Variants in SRBD1 observed in about 807,000 individuals in gnomAD.
The protein encoded by SRBD1 is S1 RNA-binding domain-containing protein 1.
In SRBD1, 88 loss-of-function variants were observed where a neutral mutation model predicts 115.3. The ratio of observed to expected loss-of-function variants is 0.76; its 90% CI spans 0.64 to 0.91. SRBD1 has a LOEUF of 0.91. SRBD1 is among the 40% of genes least tolerant of loss of function. The pLI is 0.00. For synonymous variants in SRBD1, 509 were observed against 407.7 expected, an observed-to-expected ratio of 1.25 and a Z score of -2.99; for missense variants, 1,385 against 1,177.4, an observed-to-expected ratio of 1.18 and a Z score of -2.58.
At chr2:45,459,308 A>G (rs574506981) in intron 16 of SRBD1, among the ~76,000 whole-genome samples, 5 of 152,306 alleles carry the variant, frequency 3.3e-5, no homozygotes, top group Admixed American at 2.6e-4. Context: ...TCCTGTCATT[A>G]CTATTTATAA....
intron 14 of SRBD1, among the ~76,000 whole-genome samples, chr2:45,499,383 C>T (rs1210690349): frequency 6.6e-6 from 1 of 152,108 alleles, no homozygotes; most frequent in Non-Finnish European, 1.5e-5. Context: ...GTTTCACTTC[C>T]TTATATGTTC....
At chr2:45,506,236 A>G (rs1670793490) in intron 14 of SRBD1, among the ~76,000 whole-genome samples, 1 of 152,136 alleles carries the variant, frequency 6.6e-6, no homozygotes. Flanking sequence ...ATCCATGGAA[A>G]AAGCAAATTT....
At chr2:45,571,227 G>T (rs68090579) in intron 9 of SRBD1, among the ~76,000 whole-genome samples, 49,038 of 151,606 alleles carry the variant, frequency 0.32, 8,637 homozygotes, top group Non-Finnish European at 0.41. Flanking sequence ...GCAAAGTCTG[G>T]GAGAGTTTGG....
intron 4 of SRBD1, among the ~76,000 whole-genome samples, chr2:45,591,144 C>G (rs769934818): frequency 6.6e-6 from 1 of 152,166 alleles, no homozygotes. Context: ...CCCCAAATTG[C>G]TCCTGGGGAT....
chr2:45,596,939 CACACACACACACCCACAACCCTA>C (rs1375051657), intron 4 of SRBD1, among the ~76,000 whole-genome samples: 1 of 148,330 alleles, frequency 6.7e-6, no homozygotes, highest in Non-Finnish European at 1.5e-5. Flanking sequence ...AACACACACA[CACACACACACACCCACAACCCTA>C]ACACACACAC....
At chr2:45,472,522 G>C (rs937652980) in intron 16 of SRBD1, among the ~76,000 whole-genome samples, 28 of 152,198 alleles carry the variant, frequency 1.8e-4, no homozygotes, top group African/African-American at 6.0e-4. Flanking sequence ...ATCCAGGCTG[G>C]AGTGCAGTGG....
intron 16 of SRBD1, among the ~76,000 whole-genome samples, chr2:45,468,548 C>G (rs903638707): frequency 1.3e-5 from 2 of 151,994 alleles, no homozygotes; most frequent in African/African-American, 2.4e-5. Context: ...CCACCATGCT[C>G]AGCTAATTGT....
chr2:45,506,771 C>T (rs1369990884), intron 14 of SRBD1, among the ~76,000 whole-genome samples: 1 of 152,188 alleles, frequency 6.6e-6, no homozygotes, highest in Non-Finnish European at 1.5e-5. Flanking sequence ...AGTACTCTCA[C>T]ACGTATGTTC....
intron 16 of SRBD1, among the ~76,000 whole-genome samples, chr2:45,452,226 C>G (rs1406206274): frequency 6.6e-6 from 1 of 151,900 alleles, no homozygotes; most frequent in Non-Finnish European, 1.5e-5. Flanking sequence ...TGGGCTTTCA[C>G]TGTTTTGATA....
At chr2:45,567,147 C>T (rs969507825) in intron 9 of SRBD1, among the ~76,000 whole-genome samples, 12 of 152,018 alleles carry the variant, frequency 7.9e-5, no homozygotes, top group East Asian at 3.9e-4. Context: ...AGATAAAACG[C>T]GTATTTTTTT....
intron 14 of SRBD1, among the ~76,000 whole-genome samples, chr2:45,504,144 A>T (rs1456902494): frequency 4.3e-4 from 66 of 152,168 alleles, no homozygotes; most frequent in Non-Finnish European, 4.4e-5. Flanking sequence ...TGGATTTTAC[A>T]TATCTACTAG....
At chr2:45,484,746 T>C (rs2103843154) in intron 15 of SRBD1, among the ~76,000 whole-genome samples, 1 of 152,338 alleles carries the variant, frequency 6.6e-6, no homozygotes, top group South Asian at 2.1e-4. Flanking sequence ...TCACTGTCCA[T>C]TCCTGTCTCT....
intron 16 of SRBD1, among the ~76,000 whole-genome samples, chr2:45,469,674 T>C (rs1429030693): frequency 6.6e-6 from 1 of 152,200 alleles, no homozygotes; most frequent in African/African-American, 2.4e-5. Flanking sequence ...AAAGAAATTT[T>C]AAAACTTGAA....
chr2:45,437,296 C>T (rs751030757), intron 16 of SRBD1, among the ~76,000 whole-genome samples: 5 of 148,100 alleles, frequency 3.4e-5, no homozygotes, highest in Non-Finnish European at 7.4e-5. Context: ...AGAACTGACA[C>T]TATCTAACTT....
chr2:45,545,055 C>T (rs540340928), intron 14 of SRBD1, among the ~76,000 whole-genome samples: 18 of 151,768 alleles, frequency 1.2e-4, no homozygotes, highest in Admixed American at 7.2e-4. Flanking sequence ...CTGAGGCAGG[C>T]GGATCACGAG....
chr2:45,527,812 C>T (rs928092031), intron 14 of SRBD1, among the ~76,000 whole-genome samples: 1 of 151,836 alleles, frequency 6.6e-6, no homozygotes, highest in Non-Finnish European at 1.5e-5. Context: ...AGCCTATGCT[C>T]TTAACTACAA....
rs571074769 is a variant in SRBD1, at chr2:45,604,527, C to G, written c.80+835G>C. Among the ~76,000 whole-genome samples the G allele has an allele frequency of 2.0e-5, 3 of 152,266 alleles. No individual in the cohort carries two copies. In the East Asian group the frequency reaches 5.8e-4, roughly 29 times the overall value. ...GATCCTACTCATTACAATCTCATTT[C>G]TTACTACTCTCTGCCTCATGTCTCT... On this transcript the variant is annotated intron_variant, in intron 2 of 20. Transcript: ENST00000263736.
chr2:45,593,249 T>A (rs970354439), intron 4 of SRBD1, among the ~76,000 whole-genome samples: 4 of 152,198 alleles, frequency 2.6e-5, no homozygotes, highest in African/African-American at 9.7e-5. Flanking sequence ...TACTTTATTG[T>A]TCCCATTTTA....
chr2:45,489,088 C>T (rs947235285), intron 14 of SRBD1, among the ~76,000 whole-genome samples: 1 of 152,150 alleles, frequency 6.6e-6, no homozygotes, highest in African/African-American at 2.4e-5. Context: ...TTACAGCTGA[C>T]ATTTGTATGG....
Sources: allele counts gnomAD v4.1 joint callset (sites outside exome capture counted in the v4.1 genomes callset), GRCh38; gene constraint gnomAD v4.1.1; transcripts MANE v1.5; gene names NCBI Gene and HGNC (gene_info 2026-07-23, HGNC 2026-07-21).